Variants in MEF2C observed in about 807,000 individuals in gnomAD.
MEF2C encodes myocyte enhancer factor 2C.
MEF2C carries 6 observed loss-of-function variants against 50.5 expected under a neutral mutation model. That is an observed-to-expected ratio of 0.12 (90% CI 0.07 to 0.23). The LOEUF (loss-of-function observed/expected upper bound fraction) is 0.23, where lower values mean the gene tolerates loss of function less well. MEF2C is among the 10% of genes least tolerant of loss of function. The probability of loss-of-function intolerance (pLI) is 1.00; values close to 1 mark genes in which losing one functional copy is unlikely to be tolerated. For synonymous variants in MEF2C, 183 were observed against 228.0 expected (o/e 0.80, Z 1.78); for missense variants, 276 against 605.0 (o/e 0.46, Z 5.70).
intron 1 of MEF2C, among the ~76,000 whole-genome samples, chr5:88,832,787 C>T (rs1813579546): frequency 6.6e-6 from 1 of 152,030 alleles, no homozygotes; most frequent in Non-Finnish European, 1.5e-5. Flanking sequence ...AATCAATTAC[C>T]CTACTTTCTT....
intron 3 of MEF2C, among the ~76,000 whole-genome samples, chr5:88,801,950 G>T (rs1478382210): frequency 6.6e-6 from 1 of 152,248 alleles, no homozygotes; most frequent in Non-Finnish European, 1.5e-5. Flanking sequence ...CTTTTTCCAT[G>T]ATCTCTGTTA....
chr5:88,830,711 C>A (rs1346101107), intron 1 of MEF2C, among the ~76,000 whole-genome samples: 1 of 152,020 alleles, frequency 6.6e-6, no homozygotes, highest in Non-Finnish European at 1.5e-5. Flanking sequence ...TCTATCATGT[C>A]TTTGTTTTTC....
In MEF2C at chr5:88,725,982, T is replaced by C. The variant is rs57068657; in HGVS notation, c.1100+2511A>G. ...ACTTTCATTAACTCTTGATGGCAAG[T>C]TCCTCTGTCAGCCATCTCTCTCCCT... On this transcript the variant is annotated intron_variant, in intron 10 of 10. Coordinates refer to ENST00000504921, the MANE Select transcript of MEF2C (RefSeq NM_002397.5). 1.5e-3 allele frequency among the ~76,000 whole-genome samples: 231 copies of C among 152,258 alleles called. 4 individuals carry two copies. The East Asian group carries it at 0.021, about 14-fold the overall frequency.
upstream of MEF2C, among the ~76,000 whole-genome samples, chr5:88,887,902 C>G (rs1196931773): frequency 1.3e-5 from 2 of 152,144 alleles, no homozygotes; most frequent in African/African-American, 4.8e-5. Context: ...TTTGTTATTT[C>G]AAGACAAGGT....
intron 1 of MEF2C, among the ~76,000 whole-genome samples, chr5:88,869,665 A>AT (rs561303999): frequency 9.0e-4 from 136 of 151,532 alleles, no homozygotes; most frequent in Non-Finnish European, 1.5e-3. Context: ...CATTGCTCAA[A>AT]TTTTTTTAAT....
chr5:88,787,931 C>T (rs1405371713), intron 3 of MEF2C, among the ~76,000 whole-genome samples: 3 of 152,164 alleles, frequency 2.0e-5, no homozygotes, highest in Non-Finnish European at 4.4e-5. Flanking sequence ...TCCATTTTCT[C>T]GTCTTTCTCC....
chr5:88,867,223 T>C (rs958360270), intron 1 of MEF2C, among the ~76,000 whole-genome samples: 16 of 152,214 alleles, frequency 1.1e-4, no homozygotes, highest in African/African-American at 3.9e-4. Flanking sequence ...AACTTAGTTA[T>C]ATTGTCATTC....
chr5:88,864,143 T>G (rs1355896719), intron 1 of MEF2C, among the ~76,000 whole-genome samples: 1 of 51,024 alleles, frequency 2.0e-5, no homozygotes, highest in Non-Finnish European at 3.6e-5. Context: ...TTTTCTGTTT[T>G]TTTTTTTGTT....
At chr5:88,797,575 A>C (rs1294108838) in intron 3 of MEF2C, among the ~76,000 whole-genome samples, 1 of 149,450 alleles carries the variant, frequency 6.7e-6, no homozygotes, top group African/African-American at 2.5e-5. Context: ...AATACAGCAC[A>C]CAGATGGGTC....
chr5:88,751,154 T>A (rs966553604), intron 5 of MEF2C: 2 of 965,702 alleles, frequency 2.1e-6, no homozygotes, highest in Admixed American at 6.2e-5. Context: ...TTAAATACAA[T>A]TCATCATAAT....
At chr5:88,878,383 A>G (rs1831762600) in intron 1 of MEF2C, among the ~76,000 whole-genome samples, 1 of 151,948 alleles carries the variant, frequency 6.6e-6, no homozygotes, top group African/African-American at 2.4e-5. Context: ...ATATTGGATA[A>G]AAAACATTTA....
intron 3 of MEF2C, among the ~76,000 whole-genome samples, chr5:88,763,705 T>C (rs553138605): frequency 8.6e-5 from 13 of 151,914 alleles, no homozygotes; most frequent in Admixed American, 7.9e-4. Context: ...CAGGCTGGAA[T>C]GCAGTGTGGC....
intron 6 of MEF2C, 54 bp from the exon 7 acceptor site, chr5:88,731,955 T>C: frequency 6.7e-7 from 1 of 1,496,342 alleles, no homozygotes; most frequent in Non-Finnish European, 9.1e-7. Flanking sequence ...CAAATACGTT[T>C]CCGAAGAATA....
At chr5:88,806,250 T>C (rs1388226954) in intron 2 of MEF2C, among the ~76,000 whole-genome samples, 2 of 152,190 alleles carry the variant, frequency 1.3e-5, no homozygotes, top group African/African-American at 4.8e-5. Context: ...CCAACCCACC[T>C]TGCAGAGAGG....
chr5:88,899,573 T>C (rs1835438565), intron 1 of MEF2C, among the ~76,000 whole-genome samples: 1 of 152,150 alleles, frequency 6.6e-6, no homozygotes, highest in Non-Finnish European at 1.5e-5. Context: ...ACTTCTGCTC[T>C]GGTGCTCTTT....
At chr5:88,858,027 G>A (rs1468440711) in intron 1 of MEF2C, among the ~76,000 whole-genome samples, 1 of 152,172 alleles carries the variant, frequency 6.6e-6, no homozygotes, top group Non-Finnish European at 1.5e-5. Context: ...TTAAATACAT[G>A]CAGTATTGTT....
chr5:88,823,541 T>C (rs912241926), intron 2 of MEF2C, among the ~76,000 whole-genome samples, 194 bp downstream of exon 2: 2 of 151,974 alleles, frequency 1.3e-5, no homozygotes, highest in African/African-American at 4.8e-5. Context: ...GTGTAAACTA[T>C]GTTTCTGACA....
chr5:88,753,739 G>A (rs967437603), intron 4 of MEF2C, among the ~76,000 whole-genome samples: 4 of 152,158 alleles, frequency 2.6e-5, no homozygotes, highest in Non-Finnish European at 5.9e-5. Flanking sequence ...AGTGATATAA[G>A]TAATATGGTC....
chr5:88,743,966 T>A, intron 6 of MEF2C: 2 of 937,452 alleles, frequency 2.1e-6, no homozygotes, highest in Non-Finnish European at 2.5e-6. Context: ...CAAATAGCTA[T>A]GTAGATTGTA....
Sources: gnomAD v4.1 joint callset for allele counts (sites outside exome capture counted in the v4.1 genomes callset) on GRCh38, gnomAD v4.1.1 for gene constraint, MANE v1.5 for transcripts, NCBI Gene and HGNC (gene_info 2026-07-23, HGNC 2026-07-21) for gene names.